ZNF225: variants seen among roughly 807,000 people sequenced by gnomAD.
ZNF225 encodes the protein zinc finger protein 225.
A neutral mutation model predicts 12.0 loss-of-function variants in ZNF225; 6 were observed. The observed-to-expected ratio is 0.50, with a 90% CI of 0.27 to 0.98. ZNF225 has a LOEUF of 0.98. Among genes scored for constraint, ZNF225 ranks in the 50% least tolerant of loss-of-function variants. The probability of loss-of-function intolerance (pLI) is 0.11; values close to 1 mark genes in which losing one functional copy is unlikely to be tolerated. For synonymous variants in ZNF225, 271 were observed against 283.2 expected (o/e 0.96, Z 0.43); for missense variants, 763 against 848.2 (o/e 0.90, Z 1.25).
At chr19:44,119,363 T>C (rs1968009919) in intron 4 of ZNF225, among the ~76,000 whole-genome samples, 1 of 152,216 alleles carries the variant, frequency 6.6e-6, no homozygotes, top group African/African-American at 2.4e-5. Flanking sequence ...TTTCTGTTCT[T>C]TAGGCCTGAA....
At chr19:44,123,373 A>G (rs1426258269) in intron 4 of ZNF225, among the ~76,000 whole-genome samples, 1 of 152,114 alleles carries the variant, frequency 6.6e-6, no homozygotes, top group Non-Finnish European at 1.5e-5. Context: ...TCTTTTTGAT[A>G]TGTTGTTGGA....
Position 44,130,916 on chromosome 19 carries a change from A to C in ZNF225, c.302A>C (p.His101Pro). The change falls in exon 5 of 5, where the codon CAT becomes CCT. Residue 101 changes from histidine (H) to proline (P), a missense_variant. Coordinates refer to ENST00000262894, the MANE Select transcript of ZNF225 (RefSeq NM_013362.4). ...ESGTHEGLFS[H>P]QTWEQISSDL... Reference sequence around the variant, plus strand: ...GGAACACATGAAGGCTTGTTCAGTCATCAAACCTGGGAACAAATTTCAAGT... The same window carrying C: ...GGAACACATGAAGGCTTGTTCAGTCCTCAAACCTGGGAACAAATTTCAAGT... 9 of 1,614,134 alleles carry C rather than the reference A, an allele frequency of 5.6e-6. No homozygotes were observed. Among genetic ancestry groups the C allele is most frequent in the Non-Finnish European group, 7.6e-6 (9 of 1,180,020 alleles).
At chr19:44,115,043 G>T (rs910869149) in intron 1 of ZNF225, among the ~76,000 whole-genome samples, 4 of 152,034 alleles carry the variant, frequency 2.6e-5, no homozygotes, top group African/African-American at 7.2e-5. Context: ...ACATTTATTA[G>T]TGCACATTCT....
chr19:44,134,738 G>T lies in ZNF225; in HGVS notation c.*2003G>T, dbSNP rs1485905630. On this transcript the variant is annotated 3_prime_UTR_variant, in exon 5 of 5. Transcript: ENST00000262894. ...GGTTACAACATGGTGTTAACATGTG[G>T]GACTGATTGTGTTTCTTGTTAATAT... is the stretch of plus-strand genomic sequence containing the variant. 6.6e-6 allele frequency: 1 copy of T among 152,138 alleles called. No homozygotes were observed. The highest frequency in any genetic ancestry group is 1.5e-5 in the Non-Finnish European group (1 of 68,020). 9.4% of individuals were successfully genotyped at this position (152,138 alleles called of 1,614,324 possible).
Position 44,131,488 on chromosome 19 carries a change from A to G in ZNF225, c.874A>G (p.Ile292Val), listed in dbSNP as rs760004065. The change falls in exon 5 of 5, where the codon ATA becomes GTA. Residue 292 changes from isoleucine to valine, a missense_variant. Transcript: ENST00000262894. ...TGGGGAGAAGCCATTCAAATGTGAT[A>G]TATGTTGTAAGAGCTTCCGTAGTAG... ...HTGEKPFKCDICCKSFRSRAN... is the reference protein window; with the variant it reads ...HTGEKPFKCDVCCKSFRSRAN... The G allele has an allele frequency of 4.3e-6, 7 of 1,613,966 alleles. No individual in the cohort carries two copies. The East Asian group carries it at 1.6e-4, about 36-fold the overall frequency.
Position 44,118,307 on chromosome 19 carries a change from C to G in ZNF225, c.135C>G (p.Leu45=). Residue 45 remains leucine, a synonymous_variant, in exon 3 of 5, where the codon CTC becomes CTG. Coordinates refer to ENST00000262894, the MANE Select transcript of ZNF225 (RefSeq NM_013362.4). ...TGCTGGAGAACTTCAGGAACCTGCTCTCAGTGGGTGAGGACAGGCACCCTT... is the reference window on the plus strand; with the variant it reads ...TGCTGGAGAACTTCAGGAACCTGCTGTCAGTGGGTGAGGACAGGCACCCTT... ...EVMLENFRNL[L]SVGHQSLHRD... 1 of 1,612,820 alleles carries G rather than the reference C, an allele frequency of 6.2e-7. No homozygotes were observed. The highest frequency in any genetic ancestry group is 8.5e-7 in the Non-Finnish European group (1 of 1,179,488).
chr19:44,132,643 G>C lies in ZNF225; in HGVS notation c.2029G>C (p.Glu677Gln). The C allele has an allele frequency of 6.2e-7, 1 of 1,613,924 alleles. No individual in the cohort carries two copies. Among genetic ancestry groups the C allele is most frequent in the Admixed American group, 1.7e-5 (1 of 59,930 alleles). The change falls in exon 5 of 5, where the codon GAG becomes CAG. Residue 677 changes from glutamate to glutamine, a missense_variant. By Grantham distance (29) the Glu-to-Gln change is conservative. Transcript: ENST00000262894. Reference sequence around the variant, plus strand: ...AGACCAACAAAGAGACCAAAGTGGAGAGAAAACATCTAAATGTGAGGACTG... The same window carrying C: ...AGACCAACAAAGAGACCAAAGTGGACAGAAAACATCTAAATGTGAGGACTG... ...LKDQQRDQSG[E>Q]KTSKCEDCGK... is the part of the protein sequence containing the mutation.
upstream of ZNF225, chr19:44,111,900 G>T (rs1696699566): frequency 6.6e-6 from 1 of 152,164 alleles, no homozygotes; most frequent in South Asian, 2.1e-4. Flanking sequence ...TAAACCCGGG[G>T]TTCGTCGTTA....
At position 44,131,026 on chromosome 19, in the gene ZNF225, C is replaced by T. The variant is rs1968241742; in HGVS notation, c.412C>T (p.Leu138=). The part of the protein sequence containing the change: ...DDMPCQVDAG[L]SIIHVRQKPS... Reference sequence around the variant, plus strand: ...TATGCCCTGCCAGGTTGATGCAGGACTATCTATAATTCACGTAAGACAGAA... The same window carrying T: ...TATGCCCTGCCAGGTTGATGCAGGATTATCTATAATTCACGTAAGACAGAA... The change falls in exon 5 of 5, where the codon CTA becomes TTA. Residue 138 remains leucine (L), a synonymous_variant. Coordinates refer to ENST00000262894, the MANE Select transcript of ZNF225 (RefSeq NM_013362.4). 6.2e-7 allele frequency: 1 copy of T among 1,613,956 alleles called. No individual in the cohort carries two copies. Among genetic ancestry groups the T allele is most frequent in the African/African-American group, 1.3e-5 (1 of 74,942 alleles).
rs371933489 is a variant in ZNF225 at position 44,115,093 on chromosome 19, T to G, written c.-68-667T>G. ...CTCTCCCTTCTCCTTCATTTGCTTA[T>G]TCATTCATTCAACTATAAATATTCT... is the stretch of plus-strand genomic sequence containing the variant. On this transcript the variant is annotated intron_variant, in intron 1 of 4. Transcript: ENST00000262894. Among the ~76,000 whole-genome samples the G allele has an allele frequency of 8.5e-5, 13 of 152,348 alleles. No individual in the cohort carries two copies. In the South Asian group the frequency reaches 2.1e-3, roughly 24 times the overall value.
At position 44,113,979 on chromosome 19, in the gene ZNF225, G is replaced by T. The variant is rs144991773; in HGVS notation, c.-69+410G>T. ...GTGGGGTGAAACTCCAGCTGCAGGGGCACCGGCCCTTCTCCCTGATTCCTG... is the reference window on the plus strand; with the variant it reads ...GTGGGGTGAAACTCCAGCTGCAGGGTCACCGGCCCTTCTCCCTGATTCCTG... On this transcript the variant is annotated intron_variant, in intron 1 of 4. Coordinates refer to ENST00000262894, the MANE Select transcript of ZNF225 (RefSeq NM_013362.4). 774 of 282,256 alleles carry T rather than the reference G, an allele frequency of 2.7e-3. 9 individuals carry two copies. Among genetic ancestry groups the T allele is most frequent in the African/African-American group, 0.016 (709 of 44,756 alleles). 17.5% of individuals were successfully genotyped at this position (282,256 alleles called of 1,614,324 possible).
chr19:44,130,700 CAAAAAAAAAAAA>C (rs775988972), intron 4 of ZNF225, 138 bp from the exon 5 acceptor site: 26 of 169,986 alleles, frequency 1.5e-4, no homozygotes, highest in South Asian at 4.1e-4. Context: ...GACTCCATCT[CAAAAAAAAAAAA>C]AAAAAAAAAA....
chr19:44,116,052 G>A (rs1355110371), intron 2 of ZNF225, among the ~76,000 whole-genome samples: 2 of 152,094 alleles, frequency 1.3e-5, no homozygotes, highest in African/African-American at 4.8e-5. Context: ...AGTAGAGACG[G>A]GGTTTCATCA....
At position 44,131,116 on chromosome 19, in the gene ZNF225, C is replaced by T; in HGVS notation, c.502C>T (p.Gln168Ter). Residue 168 changes from glutamine to a stop codon, truncating the protein, a stop_gained, in exon 5 of 5, where the codon CAA becomes TAA. Transcript: ENST00000262894. LOFTEE classifies it low-confidence loss of function (END_TRUNC). ...SDVSVLDLHQ[Q>*]LQSREKSHTC... ...TGTCTCCGTCCTTGATCTTCATCAA[C>T]AACTACAGTCAAGAGAGAAGTCTCA... 1 of 1,614,176 alleles carries T rather than the reference C, an allele frequency of 6.2e-7. No individual in the cohort carries two copies. The highest frequency in any genetic ancestry group is 1.7e-5 in the Admixed American group (1 of 60,024).
In ZNF225 at chr19:44,131,714, CAG is replaced by C. The variant is rs1263311438; in HGVS notation, c.1101_1102del (p.Lys370AlafsTer3). The C allele has an allele frequency of 1.9e-5, 31 of 1,614,050 alleles. No individual in the cohort carries two copies. The highest frequency in any genetic ancestry group is 1.6e-4 in the Middle Eastern group (1 of 6,084). On this transcript the variant is annotated frameshift_variant, in exon 5 of 5. Transcript: ENST00000262894. LOFTEE classifies it low-confidence loss of function (END_TRUNC). ...CTTTATAAGCATCAGATAGACCACA[CAG>C]GGGAGAAGCCATATAATTGTAAAGA...
chr19:44,128,012 A>G (rs1009912450), intron 4 of ZNF225, among the ~76,000 whole-genome samples: 1 of 152,198 alleles, frequency 6.6e-6, no homozygotes, highest in African/African-American at 2.4e-5. Flanking sequence ...AAGGGGAAAA[A>G]ACTTTCAATT....
intron 4 of ZNF225, chr19:44,128,965 C>T (rs1451039888): frequency 2.2e-6 from 2 of 889,524 alleles, no homozygotes; most frequent in Non-Finnish European, 3.0e-6. Flanking sequence ...ACCCCTTAGG[C>T]GTTCTTTTCA....
Position 44,115,547 on chromosome 19 carries a change from A to G in ZNF225, c.-68-213A>G, listed in dbSNP as rs923775948. On this transcript the variant is annotated intron_variant, in intron 1 of 4. Coordinates refer to ENST00000262894, the MANE Select transcript of ZNF225 (RefSeq NM_013362.4). ...ATGAATCAGTACTTCATTCCTTTTA[A>G]TTTCCAAATAAGATTCCATTGTATG... 72 of 335,092 alleles carry G rather than the reference A, an allele frequency of 2.1e-4. No individual in the cohort carries two copies. Among genetic ancestry groups the G allele is most frequent in the Non-Finnish European group, 3.4e-4 (63 of 184,078 alleles). 20.8% of individuals were successfully genotyped at this position (335,092 alleles called of 1,614,324 possible).
At position 44,131,021 on chromosome 19, in the gene ZNF225, C is replaced by A; in HGVS notation, c.407C>A (p.Ala136Glu). The A allele has an allele frequency of 6.2e-7, 1 of 1,614,036 alleles. No individual in the cohort carries two copies. The highest frequency in any genetic ancestry group is 8.5e-7 in the Non-Finnish European group (1 of 1,179,930). ...GATGATATGCCCTGCCAGGTTGATG[C>A]AGGACTATCTATAATTCACGTAAGA... is the stretch of plus-strand genomic sequence containing the variant. ...KQDDMPCQVD[A>E]GLSIIHVRQK... is the part of the protein sequence containing the mutation. The change falls in exon 5 of 5, where the codon GCA becomes GAA. Residue 136 changes from alanine to glutamate, a missense_variant. By Grantham distance (107) the Ala-to-Glu change is moderately radical. Transcript: ENST00000262894.
Sources: gnomAD v4.1 joint callset for allele counts (sites outside exome capture counted in the v4.1 genomes callset) on GRCh38, gnomAD v4.1.1 for gene constraint, MANE v1.5 for transcripts, NCBI Gene and HGNC (gene_info 2026-07-23, HGNC 2026-07-21) for gene names.